The following PTPN18 variants were observed in gnomAD, a reference collection of about 807,000 sequenced individuals.
PTPN18 encodes protein tyrosine phosphatase non-receptor type 18, also known as tyrosine-protein phosphatase non-receptor type 18.
Under a neutral mutation model 65.4 loss-of-function variants are expected in PTPN18, and 65 were observed. That is an observed-to-expected ratio of 0.99 (90% CI 0.81 to 1.22). The LOEUF (loss-of-function observed/expected upper bound fraction) is 1.22. Among genes scored for constraint, PTPN18 ranks in the 50% most tolerant of loss-of-function variants. The pLI is 0.00. For synonymous variants in PTPN18, 255 were observed against 267.8 expected (o/e 0.95, Z 0.47); for missense variants, 616 against 646.5 (o/e 0.95, Z 0.51).
chr2:130,372,459 G>T lies in PTPN18; in HGVS notation c.1216G>T (p.Ala406Ser). Residue 406 changes from alanine to serine, a missense_variant, in exon 13 of 15, where the codon GCG (alanine) becomes TCG (serine). Ala to Ser is a moderately conservative substitution (Grantham distance 99). Around this residue, in one of 3 missense-constraint regions of PTPN18, gnomAD observed 368 missense variants for 386.7 expected, o/e 0.95. Transcript: ENST00000175756. ...GCGACCCGGGGCGCACGCGGAGGAC[G>T]CGAGGGGGACGCTGCCTGGCCGCGG... ...AQRPGAHAED[A>S]RGTLPGRVPA... 1 of 1,372,502 alleles carries T rather than the reference G, an allele frequency of 7.3e-7. No individual in the cohort carries two copies. Among genetic ancestry groups the T allele is most frequent in the South Asian group, 1.7e-5 (1 of 58,802 alleles). The allele number at this position is 1,372,502 out of a possible 1,614,324, so 85.0% of individuals were successfully genotyped here.
chr2:130,356,290 G>A, intron 1 of PTPN18, 90 bp downstream of exon 1: 1 of 971,348 alleles, frequency 1.0e-6, no homozygotes, highest in Non-Finnish European at 1.4e-6. Context: ...CTGCCTTTCT[G>A]TCTCGGTGTC....
chr2:130,361,512 C>CTCTTTCTTTCTTTCTTTCTTTCTCTT (rs1680192312), intron 5 of PTPN18, among the ~76,000 whole-genome samples: 2 of 122,850 alleles, frequency 1.6e-5, no homozygotes, highest in African/African-American at 7.0e-5. Flanking sequence ...TCTTTTCTTT[C>CTCTTTCTTTCTTTCTTTCTTTCTCTT]TCTTTCTTTC....
chr2:130,360,988 C>T (rs781764185), intron 5 of PTPN18, among the ~76,000 whole-genome samples: 1 of 152,234 alleles, frequency 6.6e-6, no homozygotes. Flanking sequence ...CATGCCACCA[C>T]GCCCAACTAA....
At chr2:130,359,819 C>G (rs1471949298) in intron 5 of PTPN18, 173 bp downstream of exon 5, 3 of 804,540 alleles carry the variant, frequency 3.7e-6, no homozygotes, top group Non-Finnish European at 6.0e-6. Flanking sequence ...TTATTCATCC[C>G]CCAGTGTTGG....
At chr2:130,357,146 C>G (rs1000407346) in intron 1 of PTPN18, among the ~76,000 whole-genome samples, 1 of 152,124 alleles carries the variant, frequency 6.6e-6, no homozygotes, top group Non-Finnish European at 1.5e-5. Flanking sequence ...TGAGATGGTT[C>G]CACTGCACAG....
intron 5 of PTPN18, among the ~76,000 whole-genome samples, chr2:130,367,163 C>T (rs1271046215): frequency 6.6e-6 from 1 of 150,458 alleles, no homozygotes; most frequent in Non-Finnish European, 1.5e-5. Context: ...GCTGGAGCAG[C>T]CACTGTCTGT....
chr2:130,364,404 T>C lies in PTPN18; in HGVS notation c.415-4729T>C, dbSNP rs528174223. Among the ~76,000 whole-genome samples, 3 of 152,322 alleles carry C rather than the reference T, an allele frequency of 2.0e-5. No individual in the cohort carries two copies. In the South Asian group the frequency reaches 6.2e-4, roughly 32 times the overall value. On this transcript the variant is annotated intron_variant, in intron 5 of 14. Transcript: ENST00000175756. The stretch of plus-strand genomic sequence containing the variant: ...TCACTGTTTTCAAGGCCAAATAATA[T>C]TTCATTGTATGTATATATCACATTT...
chr2:130,363,505 G>A (rs957765916), intron 5 of PTPN18, among the ~76,000 whole-genome samples: 1 of 151,988 alleles, frequency 6.6e-6, no homozygotes, highest in African/African-American at 2.4e-5. Context: ...CCATTTCCCA[G>A]CAACCTCTAC....
intron 5 of PTPN18, among the ~76,000 whole-genome samples, chr2:130,363,013 G>A (rs1271162566): frequency 1.3e-5 from 2 of 151,372 alleles, no homozygotes; most frequent in African/African-American, 4.8e-5. Flanking sequence ...TAGAGACGGG[G>A]TTTCACCGTG....
At chr2:130,358,803 G>A in intron 1 of PTPN18, 64 bp from the exon 2 acceptor site, 1 of 1,403,418 alleles carries the variant, frequency 7.1e-7, no homozygotes, top group South Asian at 1.2e-5. Flanking sequence ...AGGTGGCCTG[G>A]GACTCTGACC....
rs1680633443 is a variant in PTPN18, at chr2:130,373,083, G to A, written c.1316-74G>A. 6.5e-7 allele frequency: 1 copy of A among 1,542,624 alleles called. No homozygotes were observed. The highest frequency in any genetic ancestry group is 8.8e-7 in the Non-Finnish European group (1 of 1,131,180). ...CAGGAGGACCTGGAGGCGGGGGGAT[G>A]GCCTTCTTCATGTCTGCCAGCTTCC... On this transcript the variant is annotated intron_variant, in intron 14 of 14. Transcript: ENST00000175756. This position sits in a 1 kb window ranked among gnomAD's most constrained non-coding sequence, Gnocchi z 4.1.
In PTPN18 at chr2:130,361,536, T is replaced by TTCTTTCTTTCTTTCTTTCTTTC. The variant is rs1553458531; in HGVS notation, c.414+1892_414+1913dup. 6.7e-4 allele frequency among the ~76,000 whole-genome samples: 95 copies of TTCTTTCTTTCTTTCTTTCTTTC among 140,806 alleles called. 1 individual carries two copies. Among genetic ancestry groups the TTCTTTCTTTCTTTCTTTCTTTC allele is most frequent in the African/African-American group, 2.6e-3 (85 of 33,120 alleles). 92.4% of individuals were successfully genotyped at this position (140,806 alleles called of 152,430 possible). On this transcript the variant is annotated intron_variant, in intron 5 of 14. Transcript: ENST00000175756. ...TCTCTTTCTTTCTTTCTTTCTTTCT[T>TTCTTTCTTTCTTTCTTTCTTTC]TCTTTCTTTCTTTCTTTCTTTCTTT...
intron 1 of PTPN18, among the ~76,000 whole-genome samples, chr2:130,356,945 C>T (rs1306021685): frequency 1.3e-5 from 2 of 152,230 alleles, no homozygotes; most frequent in African/African-American, 4.8e-5. Context: ...AATCCCAGCA[C>T]TTTGGGAGGC....
intron 1 of PTPN18, among the ~76,000 whole-genome samples, chr2:130,358,595 C>G (rs1680070209): frequency 6.6e-6 from 1 of 152,120 alleles, no homozygotes; most frequent in African/African-American, 2.4e-5. Flanking sequence ...AACTTTCCCG[C>G]CTGCACAATG....
chr2:130,371,117 C>A, intron 11 of PTPN18, 82 bp from the exon 12 acceptor site: 1 of 1,405,740 alleles, frequency 7.1e-7, no homozygotes, highest in East Asian at 2.3e-5. Flanking sequence ...CAGGCTCTCC[C>A]ATCTTAAGCT....
In PTPN18 at chr2:130,372,932, C is replaced by G. The variant is rs1297714451; in HGVS notation, c.1300C>G (p.Gln434Glu). ...GAYEDVAGGA[Q>E]TGGLGFNLRI... ...CTACGAGGACGTGGCGGGTGGAGCTCAGACCGGTGGGCTAGGTAAGTCAGG... is the reference window on the plus strand; with the variant it reads ...CTACGAGGACGTGGCGGGTGGAGCTGAGACCGGTGGGCTAGGTAAGTCAGG... The change falls in exon 14 of 15, where the codon CAG becomes GAG. Residue 434 changes from glutamine to glutamate, a missense_variant. Gln to Glu is a conservative substitution (Grantham distance 29, BLOSUM62 2). Transcript: ENST00000175756. The G allele has an allele frequency of 6.2e-7, 1 of 1,614,020 alleles. No individual in the cohort carries two copies. Among genetic ancestry groups the G allele is most frequent in the Non-Finnish European group, 8.5e-7 (1 of 1,180,028 alleles).
intron 5 of PTPN18, 32 bp downstream of exon 5, chr2:130,359,678 C>T (rs368482859): frequency 6.8e-6 from 11 of 1,608,718 alleles, no homozygotes; most frequent in Non-Finnish European, 9.4e-6. Flanking sequence ...GTTTCATGTC[C>T]TTGTGGGAGG....
chr2:130,358,723 C>T, intron 1 of PTPN18, 144 bp from the exon 2 acceptor site: 1 of 649,020 alleles, frequency 1.5e-6, no homozygotes, highest in South Asian at 1.9e-5. Context: ...TATTATTAGG[C>T]AGGCCCAGTG....
At chr2:130,362,496 ATTTAG>A (rs754147238) in intron 5 of PTPN18, 3 of 189,170 alleles carry the variant, frequency 1.6e-5, no homozygotes, top group African/African-American at 2.4e-5. Flanking sequence ...TATTTTAAAT[ATTTAG>A]TTGTGGCTTT....
Sources: gnomAD v4.1 joint callset for allele counts (sites outside exome capture counted in the v4.1 genomes callset) on GRCh38, gnomAD v4.1.1 for gene constraint, gnomAD v4.1.1 regional missense constraint, Gnocchi (gnomAD v3.1) non-coding constraint, MANE v1.5 for transcripts, NCBI Gene and HGNC (gene_info 2026-07-23, HGNC 2026-07-21) for gene names.